The following MAPK9 variants were observed in gnomAD, a reference collection of about 807,000 sequenced individuals.
MAPK9 encodes the protein mitogen-activated protein kinase 9, also known as Jun kinase.
A neutral mutation model predicts 57.1 loss-of-function variants in MAPK9; 30 were observed. That is an observed-to-expected ratio of 0.53 (90% CI 0.39 to 0.71). The LOEUF (loss-of-function observed/expected upper bound fraction) is 0.71, where lower values mean the gene tolerates loss of function less well. Among genes scored for constraint, MAPK9 ranks in the 30% least tolerant of loss-of-function variants. The probability of loss-of-function intolerance (pLI) is 0.00; values close to 1 mark genes in which losing one functional copy is unlikely to be tolerated. For synonymous variants in MAPK9, 155 were observed against 177.0 expected (o/e 0.88, Z 0.99); for missense variants, 362 against 521.0 (o/e 0.69, Z 2.97).
At chr5:180,255,287 A>G (rs35941986) in intron 5 of MAPK9, among the ~76,000 whole-genome samples, 5,883 of 152,188 alleles carry the variant, frequency 0.039, 296 homozygotes, top group African/African-American at 0.11. Flanking sequence ...ACAAGGGGGT[A>G]ATCTGAGAGA....
chr5:180,284,989 T>G (rs1561851892), intron 1 of MAPK9, among the ~76,000 whole-genome samples: 1 of 152,232 alleles, frequency 6.6e-6, no homozygotes, highest in Admixed American at 6.5e-5. Context: ...CCATTATAAC[T>G]TTCTATTCTG....
At chr5:180,283,613 T>C (rs548282927) in intron 1 of MAPK9, among the ~76,000 whole-genome samples, 1 of 152,368 alleles carries the variant, frequency 6.6e-6, no homozygotes, top group South Asian at 2.1e-4. Context: ...TTCACTCATA[T>C]TAGGTTTTAG....
At chr5:180,281,201 C>G (rs1762287782) in intron 1 of MAPK9, among the ~76,000 whole-genome samples, 1 of 152,248 alleles carries the variant, frequency 6.6e-6, no homozygotes, top group East Asian at 1.9e-4. Flanking sequence ...GGTCCCAGAG[C>G]TGGCATCAGC....
chr5:180,271,862 T>A (rs1351915545), intron 2 of MAPK9, among the ~76,000 whole-genome samples: 2 of 152,240 alleles, frequency 1.3e-5, no homozygotes, highest in Non-Finnish European at 2.9e-5. Flanking sequence ...AATTAGACCA[T>A]GATTTTTTCT....
intron 1 of MAPK9, among the ~76,000 whole-genome samples, chr5:180,283,050 C>T (rs1762449605): frequency 6.6e-6 from 1 of 152,146 alleles, no homozygotes; most frequent in Non-Finnish European, 1.5e-5. Flanking sequence ...TGGCCTCAGT[C>T]CTGAGGGCTG....
chr5:180,239,973 A>G lies in MAPK9; in HGVS notation c.1011T>C (p.Ile337=). 1 of 1,613,488 alleles carries G rather than the reference A, an allele frequency of 6.2e-7. No homozygotes were observed. Among genetic ancestry groups the G allele is most frequent in the Non-Finnish European group, 8.5e-7 (1 of 1,179,844 alleles). The change falls in exon 10 of 12, where the codon ATT becomes ATC. Residue 337 remains isoleucine (I), a synonymous_variant. Transcript: ENST00000452135. ...CTCTTTCTTCCAACTGGGCATCATA[A>G]ATTTGAGGTGGTGGCTAAAAATTAA... is the stretch of plus-strand genomic sequence containing the variant. ...PAEAEAPPPQ[I]YDAQLEEREH... is the part of the protein sequence containing the mutation.
At chr5:180,240,121 A>G in intron 9 of MAPK9, 134 bp from the exon 10 acceptor site, 1 of 655,698 alleles carries the variant, frequency 1.5e-6, no homozygotes. Context: ...ACGTGGTTTA[A>G]TAAAGATTTG....
chr5:180,289,528 T>C (rs1317242447), intron 1 of MAPK9, among the ~76,000 whole-genome samples: 2 of 152,160 alleles, frequency 1.3e-5, no homozygotes, highest in Non-Finnish European at 2.9e-5. Flanking sequence ...AAAGAATCCT[T>C]ATCTGGGAAG....
At chr5:180,240,990 C>T in intron 9 of MAPK9, 41 bp downstream of exon 9, 1 of 1,581,268 alleles carries the variant, frequency 6.3e-7, no homozygotes, top group East Asian at 2.3e-5. Context: ...GAAATATAAG[C>T]CTGGCCTCTC....
chr5:180,259,679 T>C (rs1279698970), intron 5 of MAPK9, among the ~76,000 whole-genome samples: 3 of 152,028 alleles, frequency 2.0e-5, no homozygotes, highest in Non-Finnish European at 4.4e-5. Flanking sequence ...TAGGTAAACA[T>C]GAAAAATCTC....
At chr5:180,250,742 C>A (rs1021842549) in intron 5 of MAPK9, among the ~76,000 whole-genome samples, 1 of 152,174 alleles carries the variant, frequency 6.6e-6, no homozygotes, top group Non-Finnish European at 1.5e-5. Flanking sequence ...TTTAAAAATG[C>A]AGTCACAATC....
Position 180,252,964 on chromosome 5 carries a change from G to C in MAPK9, c.451-3826C>G, listed in dbSNP as rs34675921. ...AGGAAAGCCATTCCCAACTTATGTG[G>C]AGAAGTAGAGCTGAGGGGGCCAGGG... On this transcript the variant is annotated intron_variant, in intron 5 of 11. Transcript: ENST00000452135. Among the ~76,000 whole-genome samples, 339 of 152,296 alleles carry C rather than the reference G, an allele frequency of 2.2e-3. 1 individual carries two copies. The highest frequency in any genetic ancestry group is 7.7e-3 in the African/African-American group (322 of 41,558).
At position 180,235,874 on chromosome 5, in the gene MAPK9, AGATAT is replaced by A. The variant is rs1299283444; in HGVS notation, c.*505_*509del. 6.5e-6 allele frequency: 1 copy of A among 152,720 alleles called. No homozygotes were observed. The highest frequency in any genetic ancestry group is 1.5e-5 in the Non-Finnish European group (1 of 68,068). 9.5% of individuals were successfully genotyped at this position (152,720 alleles called of 1,614,324 possible). A position where few individuals can be genotyped will look rare whatever the true frequency, so the allele number is the denominator to read the frequency against. On this transcript the variant is annotated 3_prime_UTR_variant, in exon 12 of 12. Transcript: ENST00000452135. ...ATAAATCATAGCATAAAAGGGAATAAGATATGATAACATCATGATGGCCAATTAAT... is the reference window on the plus strand; with the variant it reads ...ATAAATCATAGCATAAAAGGGAATAAGATAACATCATGATGGCCAATTAAT...
Position 180,249,070 on chromosome 5 carries a change from G to C in MAPK9, c.519C>G (p.Ala173=). Residue 173 remains alanine (A), a synonymous_variant, in exon 6 of 12, where the codon GCC becomes GCG. Coordinates refer to ENST00000452135, the MANE Select transcript of MAPK9 (RefSeq NM_002752.5). ...CTLKILDFGL[A]RTACTNFMMT... ...TCATGAAGTTAGTGCACGCTGTCCG[G>C]GCCAGGCCAAAGTCAAGGATCTTCA... 6.2e-7 allele frequency: 1 copy of C among 1,613,966 alleles called. No homozygotes were observed. The highest frequency in any genetic ancestry group is 1.1e-5 in the South Asian group (1 of 91,028).
chr5:180,284,813 C>T (rs965580940), intron 1 of MAPK9, among the ~76,000 whole-genome samples: 6 of 152,090 alleles, frequency 3.9e-5, no homozygotes, highest in African/African-American at 1.4e-4. Flanking sequence ...AATGCAAGGA[C>T]TTTATGTATC....
chr5:180,262,627 G>C lies in MAPK9; in HGVS notation c.312-805C>G, dbSNP rs113280979. On this transcript the variant is annotated intron_variant, in intron 4 of 11. Coordinates refer to ENST00000452135, the MANE Select transcript of MAPK9 (RefSeq NM_002752.5). Reference sequence around the variant, plus strand: ...GTTTTTGTATTTTTAGTAGAGACGGGGTTTTGCCATGTTGCCCAGGCTGGT... The same window carrying C: ...GTTTTTGTATTTTTAGTAGAGACGGCGTTTTGCCATGTTGCCCAGGCTGGT... Among the ~76,000 whole-genome samples the C allele has an allele frequency of 8.5e-3, 1,288 of 151,892 alleles. 15 individuals carry two copies. Among genetic ancestry groups the C allele is most frequent in the Admixed American group, 0.024 (369 of 15,264 alleles).
Position 180,247,439 on chromosome 5 carries a change from G to T in MAPK9, c.688C>A (p.His230Asn), listed in dbSNP as rs147368192. 1 of 1,614,004 alleles carries T rather than the reference G, an allele frequency of 6.2e-7. No homozygotes were observed. The highest frequency in any genetic ancestry group is 1.3e-5 in the African/African-American group (1 of 74,882). The change falls in exon 7 of 12, where the codon CAT (histidine) becomes AAT (asparagine). Residue 230 changes from histidine to asparagine, a missense_variant and splice_region_variant. By Grantham distance (68) the His-to-Asn change is moderately conservative. Around this residue, in one of 3 missense-constraint regions of MAPK9, gnomAD observed 199 missense variants for 251.3 expected, o/e 0.79. Coordinates refer to ENST00000452135, the MANE Select transcript of MAPK9 (RefSeq NM_002752.5). This position sits in a 1 kb window ranked among gnomAD's most constrained non-coding sequence, Gnocchi z 4.5. ...GGGCCAAGGTCGCGGGGAAGGATAC[G>T]GTCAGTGCCTTGGAATATCACACAA... Reference protein sequence around the residue: ...KGCVIFQGTDHIDQWNKVIEQ... With the variant: ...KGCVIFQGTDNIDQWNKVIEQ...
At chr5:180,244,257 C>T (rs1757893846) in intron 7 of MAPK9, among the ~76,000 whole-genome samples, 1 of 152,124 alleles carries the variant, frequency 6.6e-6, no homozygotes. Flanking sequence ...ATCTGGGCTC[C>T]CGGCTACACT....
chr5:180,269,114 G>C (rs531857691), intron 3 of MAPK9, among the ~76,000 whole-genome samples, 166 bp downstream of exon 3: 3 of 152,240 alleles, frequency 2.0e-5, no homozygotes, highest in South Asian at 4.1e-4. Context: ...ATTCCAGCCT[G>C]GGCGACAAAA....
Sources: allele counts gnomAD v4.1 joint callset (sites outside exome capture counted in the v4.1 genomes callset), GRCh38; gene constraint gnomAD v4.1.1; regional missense constraint gnomAD v4.1.1; non-coding constraint Gnocchi (gnomAD v3.1); transcripts MANE v1.5; gene names NCBI Gene and HGNC (gene_info 2026-07-23, HGNC 2026-07-21).